Variants in ROBO2 observed in about 807,000 individuals in gnomAD.
The protein encoded by ROBO2 is roundabout guidance receptor 2.
In ROBO2, 53 loss-of-function variants were observed where a neutral mutation model predicts 160.8. The ratio of observed to expected loss-of-function variants is 0.33; its 90% CI spans 0.26 to 0.41. ROBO2 has a LOEUF of 0.41. Among genes scored for constraint, ROBO2 ranks in the 10% least tolerant of loss-of-function variants. ROBO2 has a pLI of 1.00. For synonymous variants in ROBO2, 664 were observed against 611.7 expected (o/e 1.09, Z -1.26); for missense variants, 1,577 against 1,722.4 (o/e 0.92, Z 1.49).
intron 2 of ROBO2, among the ~76,000 whole-genome samples, chr3:76,173,565 A>G (rs1331146255): frequency 1.3e-5 from 2 of 150,618 alleles, no homozygotes; most frequent in African/African-American, 4.9e-5. Context: ...TCCTGTGTCC[A>G]TGTGTTCTTA....
intron 2 of ROBO2, among the ~76,000 whole-genome samples, chr3:77,261,577 A>G (rs1375263608): frequency 6.6e-6 from 1 of 152,080 alleles, no homozygotes; most frequent in Non-Finnish European, 1.5e-5. Context: ...GAAAACCATG[A>G]CAAGATTACT....
chr3:77,406,481 A>T (rs984409026), intron 2 of ROBO2, among the ~76,000 whole-genome samples: 1 of 152,196 alleles, frequency 6.6e-6, no homozygotes, highest in South Asian at 2.1e-4. Context: ...TTTGTATCAA[A>T]GTTTGAGATA....
intron 6 of ROBO2, among the ~76,000 whole-genome samples, chr3:77,538,398 C>T (rs970385814): frequency 6.6e-6 from 1 of 151,796 alleles, no homozygotes; most frequent in Non-Finnish European, 1.5e-5. Context: ...AGGATGGTCT[C>T]GATCTCCTGA....
At position 76,685,861 on chromosome 3, in the gene ROBO2, G is replaced by T. The variant is rs147577017; in HGVS notation, c.110-412153G>T. ...TGTTTTATTTAAATGATTTAGATAC[G>T]CATGACTTTAATTAATTCATCTTCA... On this transcript the variant is annotated intron_variant, in intron 2 of 26. Coordinates refer to the ROBO2 transcript ENST00000487694. 1.7e-3 allele frequency among the ~76,000 whole-genome samples: 256 copies of T among 152,148 alleles called. 11 individuals are homozygous for T. The South Asian group carries it at 0.034, about 20-fold the overall frequency.
chr3:76,589,547 A>G (rs1020408313), intron 2 of ROBO2, among the ~76,000 whole-genome samples: 1 of 152,170 alleles, frequency 6.6e-6, no homozygotes, highest in East Asian at 1.9e-4. Flanking sequence ...ACAAGTAGAG[A>G]CACACATGGC....
intron 2 of ROBO2, among the ~76,000 whole-genome samples, chr3:77,026,191 C>T (rs1209299039): frequency 6.6e-6 from 1 of 152,218 alleles, no homozygotes; most frequent in East Asian, 1.9e-4. Context: ...TTGTAGACCC[C>T]TTAATATCTA....
At chr3:77,496,865 T>A (rs2086858095) in intron 5 of ROBO2, among the ~76,000 whole-genome samples, 1 of 152,116 alleles carries the variant, frequency 6.6e-6, no homozygotes, top group African/African-American at 2.4e-5. Context: ...TCCCCTTGCC[T>A]TGAAAATATT....
At chr3:76,528,933 A>G (rs558591887) in intron 2 of ROBO2, among the ~76,000 whole-genome samples, 29 of 152,246 alleles carry the variant, frequency 1.9e-4, no homozygotes, top group Non-Finnish European at 4.0e-4. Flanking sequence ...CCACAGTCTC[A>G]TATTCTGATA....
chr3:77,142,175 G>A (rs1000434252), intron 2 of ROBO2, among the ~76,000 whole-genome samples: 1 of 151,980 alleles, frequency 6.6e-6, no homozygotes, highest in African/African-American at 2.4e-5. Context: ...CCCAAATCCT[G>A]AGGACATCTT....
At chr3:76,038,041 T>C (rs956120099) in intron 2 of ROBO2, among the ~76,000 whole-genome samples, 1 of 152,026 alleles carries the variant, frequency 6.6e-6, no homozygotes, top group Non-Finnish European at 1.5e-5. Context: ...ACCGGAAAGT[T>C]TCAGCAGAAG....
intron 2 of ROBO2, among the ~76,000 whole-genome samples, chr3:77,111,763 T>C (rs147326825): frequency 1.3e-5 from 2 of 152,248 alleles, no homozygotes; most frequent in East Asian, 1.9e-4. Context: ...ATGAGTAGAG[T>C]GCATTATGGA....
chr3:76,733,073 A>G (rs1250265092), intron 2 of ROBO2, among the ~76,000 whole-genome samples: 3 of 152,168 alleles, frequency 2.0e-5, no homozygotes, highest in Admixed American at 1.3e-4. Flanking sequence ...GAAGAAATGC[A>G]CAGAAAAGCA....
At chr3:77,044,545 C>T (rs1267597050) in intron 1 of ROBO2, among the ~76,000 whole-genome samples, 1 of 151,886 alleles carries the variant, frequency 6.6e-6, no homozygotes, top group African/African-American at 2.4e-5. Context: ...TTCTCCTCCT[C>T]TTTTTTTCTT....
chr3:77,275,549 A>G (rs1219922259), intron 2 of ROBO2, among the ~76,000 whole-genome samples: 1 of 152,182 alleles, frequency 6.6e-6, no homozygotes, highest in African/African-American at 2.4e-5. Context: ...GCAAGTGAAG[A>G]AATAGAAAGC....
chr3:77,098,835 G>A (rs562731095), intron 2 of ROBO2, among the ~76,000 whole-genome samples: 2 of 151,522 alleles, frequency 1.3e-5, no homozygotes, highest in South Asian at 2.1e-4. Flanking sequence ...CAGCCTGGGC[G>A]ACAGAGCGAG....
chr3:77,293,057 G>C (rs1464400299), intron 2 of ROBO2, among the ~76,000 whole-genome samples: 3 of 150,524 alleles, frequency 2.0e-5, no homozygotes, highest in Admixed American at 6.9e-5. Context: ...AAATGGGTAA[G>C]CTGAGGCTAG....
chr3:77,632,310 A>AAAAAATGTTT lies in ROBO2; in HGVS notation c.3761-2555_3761-2546dup. Reference sequence around the variant, plus strand: ...TCAAATGAGCTTCATTCTTCTGCACAAAAAATGTTTAAAATGTACATGATA... The same window carrying AAAAAATGTTT: ...TCAAATGAGCTTCATTCTTCTGCACAAAAAATGTTTAAAAATGTTTAAAATGTACATGATA... On this transcript the variant is annotated intron_variant, in intron 23 of 25. Transcript: ENST00000461745. 5 of 545,700 alleles carry AAAAAATGTTT rather than the reference A, an allele frequency of 9.2e-6. No individual in the cohort carries two copies. The South Asian group carries it at 1.4e-4, about 15-fold the overall frequency. The allele number at this position is 545,700 out of a possible 1,614,324, so 33.8% of individuals were successfully genotyped here. A position where few individuals can be genotyped will look rare whatever the true frequency, so the allele number is the denominator to read the frequency against.
intron 5 of ROBO2, among the ~76,000 whole-genome samples, chr3:77,510,266 A>G (rs2089214535): frequency 6.6e-6 from 1 of 152,148 alleles, no homozygotes; most frequent in South Asian, 2.1e-4. Flanking sequence ...GGAACATTAA[A>G]GCTATGGAAC....
chr3:76,232,833 T>C (rs936188821), intron 2 of ROBO2, among the ~76,000 whole-genome samples: 2 of 152,130 alleles, frequency 1.3e-5, no homozygotes, highest in African/African-American at 4.8e-5. Context: ...TTTCACTCCC[T>C]CCCACTCCAC....
Sources: allele counts gnomAD v4.1 joint callset (sites outside exome capture counted in the v4.1 genomes callset), GRCh38; gene constraint gnomAD v4.1.1; transcripts MANE v1.5; gene names NCBI Gene and HGNC (gene_info 2026-07-23, HGNC 2026-07-21).